PEX7: variants seen among roughly 807,000 people sequenced by gnomAD.
PEX7 encodes PTS2 receptor.
Under a neutral mutation model 47.5 loss-of-function variants are expected in PEX7, and 34 were observed. The observed-to-expected ratio is 0.72, with a 90% confidence interval of 0.54 to 0.95. The LOEUF is 0.95. Among genes scored for constraint, PEX7 ranks in the 40% least tolerant of loss-of-function variants. PEX7 has a pLI of 0.00. For synonymous variants in PEX7, 141 were observed against 148.8 expected (o/e 0.95, Z 0.38); for missense variants, 394 against 400.3 (o/e 0.98, Z 0.13).
intron 5 of PEX7, among the ~76,000 whole-genome samples, chr6:136,853,243 A>C (rs1019369377): frequency 6.6e-6 from 1 of 152,232 alleles, no homozygotes; most frequent in African/African-American, 2.4e-5. Flanking sequence ...AAAGGTCCTC[A>C]AAGCCAAAAA....
At chr6:136,823,533 A>T (rs902931056) in intron 1 of PEX7, among the ~76,000 whole-genome samples, 3 of 152,090 alleles carry the variant, frequency 2.0e-5, no homozygotes, top group African/African-American at 7.2e-5. Context: ...GCCCCAGCCC[A>T]GTGAGCTGAG....
chr6:136,870,403 A>G (rs545884366), intron 7 of PEX7, among the ~76,000 whole-genome samples: 85 of 152,324 alleles, frequency 5.6e-4, no homozygotes, highest in African/African-American at 1.9e-3. Context: ...TTTTCCTAAC[A>G]TGATAACATA....
chr6:136,828,147 C>T (rs1774231100), intron 3 of PEX7, among the ~76,000 whole-genome samples: 3 of 151,904 alleles, frequency 2.0e-5, no homozygotes, highest in Non-Finnish European at 2.9e-5. Context: ...CAAGTAAAGT[C>T]GTTGCTTCAT....
chr6:136,875,984 A>ATAT (rs1235554357), intron 8 of PEX7, among the ~76,000 whole-genome samples: 1 of 151,384 alleles, frequency 6.6e-6, no homozygotes, highest in Non-Finnish European at 1.5e-5. Context: ...TACTTTCCAG[A>ATAT]TATGCTTTTC....
At chr6:136,901,322 C>T (rs533101318) in intron 9 of PEX7, 6 of 152,316 alleles carry the variant, frequency 3.9e-5, no homozygotes, top group Non-Finnish European at 7.3e-5. Context: ...GACTTAGTGG[C>T]GTAAAACAAC....
At chr6:136,871,682 C>T (rs1457800378) in intron 7 of PEX7, among the ~76,000 whole-genome samples, 1 of 152,054 alleles carries the variant, frequency 6.6e-6, no homozygotes, top group East Asian at 1.9e-4. Flanking sequence ...CTTCAGCTTC[C>T]CCAGAAGCTG....
chr6:136,829,992 T>A, intron 3 of PEX7: 2 of 703,564 alleles, frequency 2.8e-6, no homozygotes, highest in Non-Finnish European at 5.2e-6. Flanking sequence ...TTTCTGTTTT[T>A]TTTTTTTCCA....
chr6:136,880,800 A>G (rs1330692681), intron 8 of PEX7, among the ~76,000 whole-genome samples: 1 of 152,216 alleles, frequency 6.6e-6, no homozygotes, highest in Non-Finnish European at 1.5e-5. Flanking sequence ...ATAAATTACA[A>G]CAATGCTTTG....
At chr6:136,823,683 G>A (rs1050452747) in intron 1 of PEX7, among the ~76,000 whole-genome samples, 1 of 152,182 alleles carries the variant, frequency 6.6e-6, no homozygotes. Flanking sequence ...TTGAGTTCGG[G>A]AGTTCCAGAC....
intron 5 of PEX7, among the ~76,000 whole-genome samples, chr6:136,860,684 GAA>G (rs1392072866): frequency 6.9e-6 from 1 of 144,340 alleles, no homozygotes; most frequent in Non-Finnish European, 1.5e-5. Context: ...AAAAAAGAAA[GAA>G]AGTGGTGGTG....
chr6:136,852,252 G>A (rs1036327549), intron 5 of PEX7, among the ~76,000 whole-genome samples: 6 of 151,594 alleles, frequency 4.0e-5, no homozygotes, highest in African/African-American at 1.5e-4. Context: ...ACTGGCACAA[G>A]ACAGGGATGC....
intron 5 of PEX7, among the ~76,000 whole-genome samples, chr6:136,850,917 GT>G (rs35220728): frequency 0.062 from 4,252 of 69,090 alleles, 88 homozygotes; most frequent in African/African-American, 0.16. Context: ...AAAACTGATG[GT>G]TTTTTTTTTT....
At chr6:136,909,933 G>A (rs1263316441) in intron 9 of PEX7, among the ~76,000 whole-genome samples, 1 of 152,118 alleles carries the variant, frequency 6.6e-6, no homozygotes, top group Non-Finnish European at 1.5e-5. Flanking sequence ...TCCAGTAGCG[G>A]ATGCTTAACA....
intron 5 of PEX7, among the ~76,000 whole-genome samples, chr6:136,860,333 C>T (rs1292731444): frequency 6.6e-6 from 1 of 151,576 alleles, no homozygotes; most frequent in African/African-American, 2.4e-5. Flanking sequence ...GTGGAATTCT[C>T]AGCTCCTGCC....
At chr6:136,843,498 A>G (rs773645875) in intron 3 of PEX7, among the ~76,000 whole-genome samples, 1 of 152,184 alleles carries the variant, frequency 6.6e-6, no homozygotes, top group East Asian at 1.9e-4. Flanking sequence ...GGTGTGTGCT[A>G]TAAGAGCTGG....
chr6:136,906,893 G>C (rs1234220674), intron 9 of PEX7, among the ~76,000 whole-genome samples: 7 of 152,086 alleles, frequency 4.6e-5, no homozygotes, highest in Non-Finnish European at 1.0e-4. Flanking sequence ...ACCTTCAAGA[G>C]GAAGCCCATT....
At chr6:136,908,454 G>GGAC (rs1775879363) in intron 9 of PEX7, among the ~76,000 whole-genome samples, 2 of 151,310 alleles carry the variant, frequency 1.3e-5, no homozygotes, top group Non-Finnish European at 2.9e-5. Context: ...TTTCTGTAAT[G>GGAC]TCAGTAATTT....
intron 9 of PEX7, among the ~76,000 whole-genome samples, chr6:136,911,685 G>T (rs1775935715): frequency 1.3e-5 from 2 of 149,268 alleles, no homozygotes; most frequent in African/African-American, 4.9e-5. Context: ...GGGATTACAG[G>T]TATGAACCAC....
intron 1 of PEX7, 31 bp downstream of exon 1, chr6:136,822,826 G>GGGCGGA (rs1386116773): frequency 2.5e-5 from 30 of 1,180,858 alleles, no homozygotes; most frequent in Middle Eastern, 3.2e-4. Flanking sequence ...TGGGGCCGGG[G>GGGCGGA]GGCGGAGGCG....
Sources: gnomAD v4.1 joint callset for allele counts (sites outside exome capture counted in the v4.1 genomes callset) on GRCh38, gnomAD v4.1.1 for gene constraint, MANE v1.5 for transcripts, NCBI Gene and HGNC (gene_info 2026-07-23, HGNC 2026-07-21) for gene names.